The following PTPRQ variants were observed in gnomAD, a reference collection of about 807,000 sequenced individuals.
The protein encoded by PTPRQ is protein tyrosine phosphatase receptor type Q.
PTPRQ carries 199 observed loss-of-function variants against 246.0 expected under a neutral mutation model. The ratio of observed to expected loss-of-function variants is 0.81; its 90% CI spans 0.72 to 0.91. The LOEUF (loss-of-function observed/expected upper bound fraction) is 0.91, where lower values mean the gene tolerates loss of function less well. Ranked by LOEUF, PTPRQ falls within the 40% of genes least tolerant of loss-of-function variation. The pLI, the probability that PTPRQ is intolerant of heterozygous loss-of-function variation, is 0.00. For synonymous variants in PTPRQ, 869 were observed against 853.2 expected, an observed-to-expected ratio of 1.02 and a Z score of -0.32; for missense variants, 2,624 against 2,528.4, an observed-to-expected ratio of 1.04 and a Z score of -0.81.
chr12:80,510,573 GT>G, intron 17 of PTPRQ, 130 bp downstream of exon 17: 1 of 965,498 alleles, frequency 1.0e-6, no homozygotes. Context: ...TAGTTAATAT[GT>G]TTTGATTAAG....
intron 33 of PTPRQ, among the ~76,000 whole-genome samples, chr12:80,624,336 TG>T (rs1565825648): frequency 6.6e-6 from 1 of 152,192 alleles, no homozygotes; most frequent in Non-Finnish European, 1.5e-5. Flanking sequence ...GTGTATTTTT[TG>T]TAGACCAGTG....
At chr12:80,635,199 A>G in intron 35 of PTPRQ, 126 bp downstream of exon 35, 1 of 1,373,184 alleles carries the variant, frequency 7.3e-7, no homozygotes, top group Non-Finnish European at 9.5e-7. Flanking sequence ...TCTTCTTTCA[A>G]AGAGTGACCT....
Position 80,669,159 on chromosome 12 carries a change from G to A in PTPRQ, c.6327+18G>A, listed in dbSNP as rs1387782476. 7.1e-6 allele frequency: 11 copies of A among 1,539,846 alleles called. No homozygotes were observed. The highest frequency in any genetic ancestry group is 9.6e-6 in the Non-Finnish European group (11 of 1,140,472). ...AAGGACGGGTAAGTTATTTGAAAAT[G>A]TTTTACAAATGTTGTTTTACGATTG... On this transcript the variant is annotated intron_variant, in intron 40 of 44. Coordinates refer to ENST00000644991, the MANE Select transcript of PTPRQ (RefSeq NM_001145026.2).
At position 80,619,407 on chromosome 12, in the gene PTPRQ, C is replaced by T; in HGVS notation, c.5254C>T (p.Pro1752Ser). 1.3e-6 allele frequency: 2 copies of T among 1,547,634 alleles called. No homozygotes were observed. The highest frequency in any genetic ancestry group is 2.5e-5 in the East Asian group (1 of 40,790). The change falls in exon 31 of 45, where the codon CCA becomes TCA. Residue 1752 changes from proline to serine, a missense_variant. Physicochemically the swap from Pro to Ser is moderately conservative, Grantham distance 74 (BLOSUM62 -1). Transcript: ENST00000644991. ...IKAPARPKTK[P>S]TPIYDATGKL... ...AGCTCCAGCACGACCAAAAACCAAACCAACCCCTATTTATGATGCCACAGG... is the reference window on the plus strand; with the variant it reads ...AGCTCCAGCACGACCAAAAACCAAATCAACCCCTATTTATGATGCCACAGG...
intron 8 of PTPRQ, among the ~76,000 whole-genome samples, chr12:80,480,371 G>C (rs2120586109): frequency 6.6e-6 from 1 of 152,170 alleles, no homozygotes; most frequent in African/African-American, 2.4e-5. Context: ...CGCATTCAAA[G>C]CAGTGTGTAG....
intron 19 of PTPRQ, 90 bp downstream of exon 19, chr12:80,535,127 C>A: frequency 7.9e-7 from 1 of 1,258,904 alleles, no homozygotes; most frequent in Non-Finnish European, 1.1e-6. Flanking sequence ...AATTGTTTAC[C>A]TTACATTGAT....
intron 6 of PTPRQ, among the ~76,000 whole-genome samples, chr12:80,461,620 A>G (rs1391764269): frequency 1.3e-5 from 2 of 150,584 alleles, no homozygotes; most frequent in African/African-American, 4.9e-5. Context: ...TTATATATAT[A>G]ATATATATAG....
intron 14 of PTPRQ, among the ~76,000 whole-genome samples, chr12:80,502,739 G>A (rs1268517929): frequency 2.0e-5 from 3 of 151,834 alleles, no homozygotes; most frequent in Non-Finnish European, 2.9e-5. Flanking sequence ...TGGAAAGATA[G>A]GAGTCAGTTG....
chr12:80,663,325 T>C (rs1313943220), intron 39 of PTPRQ, among the ~76,000 whole-genome samples: 1 of 151,856 alleles, frequency 6.6e-6, no homozygotes, highest in Non-Finnish European at 1.5e-5. Flanking sequence ...TGATATATTG[T>C]CTATATTACT....
intron 25 of PTPRQ, among the ~76,000 whole-genome samples, chr12:80,567,829 TA>T (rs1171383286): frequency 6.6e-6 from 1 of 152,182 alleles, no homozygotes; most frequent in Non-Finnish European, 1.5e-5. Context: ...GATGGTTTTC[TA>T]AAGTAGTTGC....
At chr12:80,587,367 T>C (rs1394686893) in intron 25 of PTPRQ, among the ~76,000 whole-genome samples, 1 of 152,214 alleles carries the variant, frequency 6.6e-6, no homozygotes, top group Non-Finnish European at 1.5e-5. Context: ...AAGGCATGGT[T>C]AAGAAGAGTT....
At chr12:80,559,097 T>G (rs1166514682) in intron 25 of PTPRQ, among the ~76,000 whole-genome samples, 1 of 152,160 alleles carries the variant, frequency 6.6e-6, no homozygotes. Context: ...CGGGGTGGAG[T>G]GCAGTGGCGC....
At chr12:80,599,690 A>G (rs534717011) in intron 26 of PTPRQ, among the ~76,000 whole-genome samples, 3 of 151,724 alleles carry the variant, frequency 2.0e-5, no homozygotes, top group Admixed American at 2.0e-4. Flanking sequence ...ATAATTTTAT[A>G]TGTATTTAAG....
intron 7 of PTPRQ, among the ~76,000 whole-genome samples, chr12:80,469,673 C>T (rs1281095279): frequency 6.6e-6 from 1 of 152,190 alleles, no homozygotes; most frequent in African/African-American, 2.4e-5. Flanking sequence ...CTTTATCTTT[C>T]ATCCCTAAGT....
chr12:80,558,486 T>C (rs1459235699), intron 25 of PTPRQ, among the ~76,000 whole-genome samples: 1 of 149,812 alleles, frequency 6.7e-6, no homozygotes, highest in South Asian at 2.1e-4. Flanking sequence ...TTTTTTTTTT[T>C]CTTTTTGGTA....
At chr12:80,642,675 C>T (rs1256852373) in intron 35 of PTPRQ, among the ~76,000 whole-genome samples, 3 of 151,840 alleles carry the variant, frequency 2.0e-5, no homozygotes, top group Admixed American at 2.0e-4. Context: ...AATCCCAGCA[C>T]TTTGGGAGGC....
intron 20 of PTPRQ, among the ~76,000 whole-genome samples, 200 bp downstream of exon 20, chr12:80,540,144 T>C (rs888704986): frequency 6.6e-6 from 1 of 152,072 alleles, no homozygotes; most frequent in Non-Finnish European, 1.5e-5. Context: ...CTAACATCCG[T>C]TCATGAAAAT....
chr12:80,642,282 T>TTA (rs1055759826), intron 35 of PTPRQ, among the ~76,000 whole-genome samples: 4 of 152,334 alleles, frequency 2.6e-5, no homozygotes, highest in African/African-American at 9.6e-5. Flanking sequence ...GCTGGTATAA[T>TTA]ATCTTCTGGT....
chr12:80,670,277 A>T (rs1400589179), intron 41 of PTPRQ, 67 bp from the exon 42 acceptor site: 4 of 1,529,426 alleles, frequency 2.6e-6, no homozygotes, highest in Non-Finnish European at 3.5e-6. Context: ...AACTGGGACT[A>T]TTGCCTTCAA....
Sources: gnomAD v4.1 joint callset for allele counts (sites outside exome capture counted in the v4.1 genomes callset) on GRCh38, gnomAD v4.1.1 for gene constraint, MANE v1.5 for transcripts, NCBI Gene and HGNC (gene_info 2026-07-23, HGNC 2026-07-21) for gene names.